Variants in PHKA1 observed in about 807,000 individuals in gnomAD.
The protein encoded by PHKA1 is phosphorylase b kinase regulatory subunit alpha, skeletal muscle isoform.
A neutral mutation model predicts 110.2 loss-of-function variants in PHKA1; 60 were observed. The observed-to-expected ratio is 0.54, with a 90% CI of 0.44 to 0.68. The LOEUF (loss-of-function observed/expected upper bound fraction) is 0.68. Among genes scored for constraint, PHKA1 ranks in the 30% least tolerant of loss-of-function variants. The probability of loss-of-function intolerance (pLI) is 0.00; values close to 1 mark genes in which losing one functional copy is unlikely to be tolerated. For synonymous variants in PHKA1, 316 were observed against 333.6 expected (o/e 0.95, Z 0.58); for missense variants, 801 against 942.5 (o/e 0.85, Z 1.97).
chrX:72,694,265 C>T (rs1306642658), intron 4 of PHKA1, among the ~76,000 whole-genome samples: 1 of 112,270 alleles, frequency 8.9e-6, no homozygotes, highest in African/African-American at 3.2e-5. Context: ...TAAAGTATTT[C>T]ACTAACTTCC....
intron 14 of PHKA1, 147 bp downstream of exon 14, chrX:72,644,214 AG>A: frequency 1.6e-6 from 1 of 612,569 alleles, no homozygotes; most frequent in South Asian, 2.6e-5. Context: ...AGAATAGAGA[AG>A]GTAAGAAAAT....
At chrX:72,592,999 C>G (rs2052542205) in intron 29 of PHKA1, 105 bp downstream of exon 29, 5 of 566,575 alleles carry the variant, frequency 8.8e-6, no homozygotes, top group Middle Eastern at 6.3e-4. Flanking sequence ...TGAGTTATGA[C>G]TTTTACATAA....
intron 18 of PHKA1, among the ~76,000 whole-genome samples, chrX:72,621,431 C>T (rs2052978191): frequency 9.0e-6 from 1 of 111,589 alleles, no homozygotes; most frequent in African/African-American, 3.3e-5. Context: ...GGATATGGTC[C>T]CTATCTTCTT....
rs782501678 is a variant in PHKA1 at position 72,656,180 on chromosome X, T to A, written c.981A>T (p.Glu327Asp). ...TAAAGTATGTCCAGAACAATGGCCA[T>A]TCACACTCAATGTTTTCAAATAGCT... ...ELKLFENIEC[E>D]WPLFWTYFIL... The change falls in exon 10 of 32, where the codon GAA (glutamate) becomes GAT (aspartate). Residue 327 changes from glutamate to aspartate, a missense_variant. Coordinates refer to ENST00000373542, the MANE Select transcript of PHKA1 (RefSeq NM_002637.4). 2 of 1,208,258 alleles carry A rather than the reference T, an allele frequency of 1.7e-6. No individual in the cohort carries two copies. The highest frequency in any genetic ancestry group is 2.2e-6 in the Non-Finnish European group (2 of 892,071).
chrX:72,662,553 G>A (rs1022158066), intron 8 of PHKA1, among the ~76,000 whole-genome samples: 5 of 111,990 alleles, frequency 4.5e-5, no homozygotes, highest in Admixed American at 1.9e-4. Context: ...ACGCCCCCAG[G>A]CACAGAAATA....
intron 8 of PHKA1, among the ~76,000 whole-genome samples, chrX:72,663,646 A>G (rs1389835529): frequency 2.7e-5 from 3 of 109,760 alleles, no homozygotes; most frequent in Non-Finnish European, 5.7e-5. Flanking sequence ...ATAAAGTTAC[A>G]TATAAGGGAA....
In PHKA1 at chrX:72,611,141, T is replaced by C; in HGVS notation, c.2413A>G (p.Thr805Ala). The part of the protein sequence containing the change: ...NTELYNERSA[T>A]VRELLTELYG... ...AGCTCGGTAAGAAGCTCTCTCACTG[T>C]AGCACTCCGTTCATTATACAATTCA... Residue 805 changes from threonine to alanine, a missense_variant, in exon 22 of 32, where the codon ACA becomes GCA. Thr to Ala is a moderately conservative substitution (Grantham distance 58). Coordinates refer to ENST00000373542, the MANE Select transcript of PHKA1 (RefSeq NM_002637.4). The C allele has an allele frequency of 8.3e-7, 1 of 1,205,346 alleles. No homozygotes were observed. The highest frequency in any genetic ancestry group is 1.1e-6 in the Non-Finnish European group (1 of 889,980).
At position 72,620,817 on chromosome X, in the gene PHKA1, T is replaced by A. The variant is rs2052966456; in HGVS notation, c.2045A>T (p.Gln682Leu). Residue 682 changes from glutamine (Q) to leucine (L), a missense_variant, in exon 19 of 32, where the codon CAG becomes CTG. Gln to Leu is a moderately radical substitution (Grantham distance 113, BLOSUM62 -2). Coordinates refer to ENST00000373542, the MANE Select transcript of PHKA1 (RefSeq NM_002637.4). ...TTGGAACCGATCTAGCCCTCCCTTC[T>A]GTGAGGTAGGGGCTAGTTTAGGATG... Reference protein sequence around the residue: ...APHPKLAPTSQKGGLDRFQAA... With the variant: ...APHPKLAPTSLKGGLDRFQAA... The A allele has an allele frequency of 8.3e-7, 1 of 1,209,193 alleles. No homozygotes were observed. The highest frequency in any genetic ancestry group is 1.7e-5 in the African/African-American group (1 of 57,521).
At chrX:72,677,138 T>C (rs1222203626) in intron 5 of PHKA1, among the ~76,000 whole-genome samples, 1 of 112,258 alleles carries the variant, frequency 8.9e-6, no homozygotes, top group Non-Finnish European at 1.9e-5. Flanking sequence ...AGGTATTTAG[T>C]AGATTTTCCT....
intron 29 of PHKA1, among the ~76,000 whole-genome samples, chrX:72,587,173 C>A (rs1195074007): frequency 9.0e-6 from 1 of 110,975 alleles, no homozygotes; most frequent in Non-Finnish European, 1.9e-5. Context: ...ATATTAAGGG[C>A]AGCCAGAGAG....
intron 23 of PHKA1, among the ~76,000 whole-genome samples, chrX:72,607,588 T>C (rs937342361): frequency 1.6e-4 from 18 of 112,096 alleles, no homozygotes; most frequent in African/African-American, 5.5e-4. Flanking sequence ...TTTTTCCCTA[T>C]AGAATTGTTT....
intron 3 of PHKA1, among the ~76,000 whole-genome samples, chrX:72,703,473 G>A (rs1241431445): frequency 1.8e-5 from 2 of 111,159 alleles, no homozygotes; most frequent in Non-Finnish European, 3.8e-5. Context: ...GAGCCCAGGA[G>A]TTTGAGACCA....
intron 13 of PHKA1, among the ~76,000 whole-genome samples, chrX:72,648,335 G>T (rs2053385978): frequency 9.0e-6 from 1 of 111,590 alleles, no homozygotes. Context: ...GACTGTAGGG[G>T]TGGGGAGGGC....
At position 72,666,652 on chromosome X, in the gene PHKA1, T is replaced by G. The variant is rs184994112; in HGVS notation, c.718-355A>C. ...CTCACAGATAAGGAATATTCTAACA[T>G]TATTATACCACCCACAGTCCTGTTG... On this transcript the variant is annotated intron_variant, in intron 7 of 31. Transcript: ENST00000373542. Among the ~76,000 whole-genome samples the G allele has an allele frequency of 2.9e-3, 329 of 111,877 alleles. 1 individual carries two copies. Among genetic ancestry groups the G allele is most frequent in the African/African-American group, 0.01 (312 of 30,831 alleles).
intron 10 of PHKA1, among the ~76,000 whole-genome samples, chrX:72,655,910 A>G (rs1439165783): frequency 2.7e-5 from 3 of 112,318 alleles, no homozygotes; most frequent in African/African-American, 9.7e-5. Flanking sequence ...GTGAGCCACC[A>G]CACGCGGCCG....
At chrX:72,663,080 A>C (rs535044072) in intron 8 of PHKA1, among the ~76,000 whole-genome samples, 2 of 111,411 alleles carry the variant, frequency 1.8e-5, no homozygotes, top group African/African-American at 6.5e-5. Context: ...AAATGTTATA[A>C]AAGAAACTCA....
At position 72,637,319 on chromosome X, in the gene PHKA1, C is replaced by T. The variant is rs139749771; in HGVS notation, c.1460-933G>A. Among the ~76,000 whole-genome samples the T allele has an allele frequency of 3.1e-3, 343 of 112,105 alleles. 1 individual carries two copies. The highest frequency in any genetic ancestry group is 0.011 in the African/African-American group (334 of 30,933). The stretch of plus-strand genomic sequence containing the variant: ...TAATACAATATCTTTCCTTTTGTAA[C>T]TAGCTTATTTCATTTAGCATAGTCT... On this transcript the variant is annotated intron_variant, in intron 14 of 31. Coordinates refer to ENST00000373542, the MANE Select transcript of PHKA1 (RefSeq NM_002637.4).
intron 21 of PHKA1, among the ~76,000 whole-genome samples, chrX:72,612,129 T>C (rs1443815958): frequency 8.9e-6 from 1 of 112,384 alleles, no homozygotes; most frequent in Non-Finnish European, 1.9e-5. Flanking sequence ...TTATACAGGA[T>C]ATAATATCTG....
At position 72,620,833 on chromosome X, in the gene PHKA1, G is replaced by A. The variant is rs782052550; in HGVS notation, c.2029C>T (p.Leu677=). Residue 677 remains leucine, a synonymous_variant, in exon 19 of 32, where the codon CTA becomes TTA. Transcript: ENST00000373542. The part of the protein sequence containing the change: ...LLAHTAPHPK[L]APTSQKGGLD... ...CCTCCCTTCTGTGAGGTAGGGGCTA[G>A]TTTAGGATGGGGAGCAGTGTGCGCC... 2 of 1,210,909 alleles carry A rather than the reference G, an allele frequency of 1.7e-6. No homozygotes were observed. Among genetic ancestry groups the A allele is most frequent in the East Asian group, 5.9e-5 (2 of 33,831 alleles).
Sources: allele counts gnomAD v4.1 joint callset (sites outside exome capture counted in the v4.1 genomes callset), GRCh38; gene constraint gnomAD v4.1.1; transcripts MANE v1.5; gene names NCBI Gene and HGNC (gene_info 2026-07-23, HGNC 2026-07-21).